The following GNA12 variants were observed in gnomAD, a reference collection of about 807,000 sequenced individuals.
GNA12 encodes guanine nucleotide-binding protein subunit alpha-12.
Under a neutral mutation model 26.0 loss-of-function variants are expected in GNA12, and 9 were observed. That is an observed-to-expected ratio of 0.35 (90% confidence interval 0.21 to 0.60). The LOEUF (loss-of-function observed/expected upper bound fraction) is 0.60, where lower values mean the gene tolerates loss of function less well. Among genes scored for constraint, GNA12 ranks in the 20% least tolerant of loss-of-function variants. GNA12 has a pLI of 0.78. For missense variants in GNA12, 405 were observed against 525.8 expected (o/e 0.77, Z 2.25); for synonymous variants, 264 against 219.6 (o/e 1.20, Z -1.79).
chr7:2,804,076 A>G (rs1459907070), intron 1 of GNA12, among the ~76,000 whole-genome samples: 1 of 152,182 alleles, frequency 6.6e-6, no homozygotes, highest in East Asian at 1.9e-4. Flanking sequence ...TACAAGGGGG[A>G]ACGAAATCGT....
chr7:2,785,287 C>T (rs965623861), intron 2 of GNA12, among the ~76,000 whole-genome samples: 2 of 152,192 alleles, frequency 1.3e-5, no homozygotes, highest in African/African-American at 4.8e-5. Context: ...ACTCTAAATT[C>T]TTCTCAAGCC....
chr7:2,731,118 C>G lies in GNA12; in HGVS notation c.*63G>C. 8.9e-7 allele frequency: 1 copy of G among 1,126,626 alleles called. No homozygotes were observed. The highest frequency in any genetic ancestry group is 1.5e-5 in the African/African-American group (1 of 65,418). 69.8% of individuals were successfully genotyped at this position (1,126,626 alleles called of 1,614,324 possible). On this transcript the variant is annotated 3_prime_UTR_variant, in exon 4 of 4. Coordinates refer to ENST00000275364, the MANE Select transcript of GNA12 (RefSeq NM_007353.3). This position sits in a 1 kb window ranked among gnomAD's most constrained non-coding sequence, Gnocchi z 6.0. ...CAAGGACCACACAGACAACACACAC[C>G]CAAGAGTCTGACCGACAGCCGTGGG...
At chr7:2,794,537 G>A (rs1792602288) in intron 2 of GNA12, among the ~76,000 whole-genome samples, 1 of 152,248 alleles carries the variant, frequency 6.6e-6, no homozygotes, top group Admixed American at 6.5e-5. Flanking sequence ...TGCTTCCGAG[G>A]CGCTGATCTG....
intron 1 of GNA12, among the ~76,000 whole-genome samples, chr7:2,833,035 G>A (rs34818535): frequency 6.6e-6 from 1 of 152,250 alleles, no homozygotes; most frequent in East Asian, 1.9e-4. Flanking sequence ...TCCTCACAGA[G>A]AGAAAGACTA....
chr7:2,838,482 G>A (rs1336070356), intron 1 of GNA12, among the ~76,000 whole-genome samples: 3 of 152,162 alleles, frequency 2.0e-5, no homozygotes, highest in Non-Finnish European at 4.4e-5. Flanking sequence ...TACTAGGGAG[G>A]CTGAGGTGGG....
In GNA12 at chr7:2,755,462, T is replaced by C. The variant is rs13233012; in HGVS notation, c.526-21961A>G. On this transcript the variant is annotated intron_variant, in intron 2 of 3. Transcript: ENST00000275364. ...CTTATCAAACAAGTCCTCTAGATGT[T>C]GTGTTAAATTTACACCACAGTATTT... Among the ~76,000 whole-genome samples the C allele has an allele frequency of 2.7e-3, 411 of 152,336 alleles. 3 individuals are homozygous for C. Among genetic ancestry groups the C allele is most frequent in the Non-Finnish European group, 3.2e-3 (219 of 68,022 alleles).
chr7:2,753,482 C>T (rs1415295896), intron 2 of GNA12, among the ~76,000 whole-genome samples: 3 of 152,174 alleles, frequency 2.0e-5, no homozygotes, highest in African/African-American at 4.8e-5. Flanking sequence ...AACATAATGT[C>T]CTTGGGATCT....
chr7:2,820,417 T>C (rs949672062), intron 1 of GNA12, among the ~76,000 whole-genome samples: 1 of 151,070 alleles, frequency 6.6e-6, no homozygotes, highest in Non-Finnish European at 1.5e-5. Context: ...TTTTTTTTTT[T>C]TTAAGCTGAG....
chr7:2,735,527 C>T (rs1299448599), intron 2 of GNA12, among the ~76,000 whole-genome samples: 3 of 152,104 alleles, frequency 2.0e-5, no homozygotes, highest in Non-Finnish European at 1.5e-5. Context: ...AGGACAAGCT[C>T]GATGGGAAGC....
intron 2 of GNA12, among the ~76,000 whole-genome samples, chr7:2,771,659 C>G (rs944155182): frequency 6.6e-6 from 1 of 152,232 alleles, no homozygotes; most frequent in Admixed American, 6.5e-5. Flanking sequence ...GAGCAGTATC[C>G]CCACAGAAGG....
At chr7:2,752,024 C>T (rs1438502116) in intron 2 of GNA12, among the ~76,000 whole-genome samples, 2 of 152,066 alleles carry the variant, frequency 1.3e-5, no homozygotes, top group African/African-American at 2.4e-5. Flanking sequence ...ATCCTGGTAC[C>T]CACACCGACA....
In GNA12 at chr7:2,795,100, G is replaced by A; in HGVS notation, c.353C>T (p.Pro118Leu). 2 of 1,613,804 alleles carry A rather than the reference G, an allele frequency of 1.2e-6. No homozygotes were observed. Among genetic ancestry groups the A allele is most frequent in the Non-Finnish European group, 1.7e-6 (2 of 1,179,776 alleles). Residue 118 changes from proline (P) to leucine (L), a missense_variant, in exon 2 of 4, where the codon CCT (proline) becomes CTT (leucine). Pro to Leu is a moderately conservative substitution (Grantham distance 98). Coordinates refer to ENST00000275364, the MANE Select transcript of GNA12 (RefSeq NM_007353.3). ...LVDARDKLGI[P>L]WQYSENEKHG... ...CTTCTCATTTTCAGAATACTGCCAA[G>A]GAATGCCAAGCTTATCTCGTGCATC...
At chr7:2,836,731 C>T (rs901975031) in intron 1 of GNA12, among the ~76,000 whole-genome samples, 4 of 152,112 alleles carry the variant, frequency 2.6e-5, no homozygotes, top group African/African-American at 9.7e-5. Flanking sequence ...CGAGACCAGC[C>T]TGGCCAACAT....
chr7:2,824,948 C>A (rs913233613), intron 1 of GNA12, among the ~76,000 whole-genome samples: 7 of 152,200 alleles, frequency 4.6e-5, no homozygotes, highest in African/African-American at 1.7e-4. Context: ...CGACTAAAGA[C>A]AAGGGAGGAG....
intron 2 of GNA12, among the ~76,000 whole-genome samples, chr7:2,773,142 T>C (rs1004922181): frequency 1.3e-5 from 2 of 152,172 alleles, no homozygotes; most frequent in African/African-American, 4.8e-5. Context: ...GGGAGGGACT[T>C]TCTTGGATGC....
At chr7:2,745,195 G>A (rs1028388674) in intron 2 of GNA12, among the ~76,000 whole-genome samples, 2 of 152,118 alleles carry the variant, frequency 1.3e-5, no homozygotes, top group Non-Finnish European at 2.9e-5. Context: ...CTTGAGAAAG[G>A]CAACTCCAAG....
chr7:2,789,736 C>T (rs560812617), intron 2 of GNA12, among the ~76,000 whole-genome samples: 1 of 152,348 alleles, frequency 6.6e-6, no homozygotes, highest in East Asian at 1.9e-4. Context: ...CGCACAGCAT[C>T]TCCCTGGCCA....
At chr7:2,781,315 T>C (rs1376399897) in intron 2 of GNA12, among the ~76,000 whole-genome samples, 1 of 152,152 alleles carries the variant, frequency 6.6e-6, no homozygotes, top group Admixed American at 6.5e-5. Flanking sequence ...TTCTCTCATA[T>C]ATATGTGTAT....
chr7:2,775,128 C>T (rs868100379), intron 2 of GNA12, among the ~76,000 whole-genome samples: 13 of 152,286 alleles, frequency 8.5e-5, no homozygotes, highest in South Asian at 4.2e-4. Context: ...GTACCAAATT[C>T]GTAACAGGGG....
Sources: gnomAD v4.1 joint callset for allele counts (sites outside exome capture counted in the v4.1 genomes callset) on GRCh38, gnomAD v4.1.1 for gene constraint, Gnocchi (gnomAD v3.1) non-coding constraint, MANE v1.5 for transcripts, NCBI Gene and HGNC (gene_info 2026-07-23, HGNC 2026-07-21) for gene names.